Variants in SND1 observed in about 807,000 individuals in gnomAD.
SND1 encodes the protein staphylococcal nuclease and tudor domain containing 1.
A neutral mutation model predicts 121.7 loss-of-function variants in SND1; 38 were observed. The observed-to-expected ratio is 0.31, with a 90% CI of 0.24 to 0.41. The LOEUF (loss-of-function observed/expected upper bound fraction) is 0.41, where lower values mean the gene tolerates loss of function less well. SND1 is among the 10% of genes least tolerant of loss of function. SND1 has a pLI of 1.00. For synonymous variants in SND1, 401 were observed against 447.4 expected (o/e 0.90, Z 1.31); for missense variants, 868 against 1,184.6 (o/e 0.73, Z 3.92).
intron 10 of SND1, among the ~76,000 whole-genome samples, chr7:127,762,448 C>T (rs1317376493): frequency 6.6e-6 from 1 of 152,222 alleles, no homozygotes; most frequent in Admixed American, 6.5e-5. Flanking sequence ...CTGTCCTAAT[C>T]TCCCCTTATG....
chr7:128,076,796 T>C (rs771269471), intron 17 of SND1, among the ~76,000 whole-genome samples: 7 of 152,140 alleles, frequency 4.6e-5, no homozygotes, highest in Non-Finnish European at 1.0e-4. Context: ...GGGAGTGTGA[T>C]TGTGTGTGCA....
chr7:127,661,467 G>C (rs1451489379), intron 1 of SND1, among the ~76,000 whole-genome samples: 10 of 152,246 alleles, frequency 6.6e-5, no homozygotes, highest in Non-Finnish European at 4.4e-5. Flanking sequence ...ATCCTGAGGA[G>C]CTTCATCCCT....
At chr7:128,043,863 TACACACAC>T (rs10591985) in intron 16 of SND1, among the ~76,000 whole-genome samples, 28,578 of 149,590 alleles carry the variant, frequency 0.19, 3,388 homozygotes, top group African/African-American at 0.34. Flanking sequence ...TATACACATA[TACACACAC>T]ACACACACAC....
At chr7:127,877,105 G>A (rs1177472842) in intron 12 of SND1, among the ~76,000 whole-genome samples, 2 of 152,108 alleles carry the variant, frequency 1.3e-5, no homozygotes, top group African/African-American at 4.8e-5. Context: ...GCATAGTGGA[G>A]TCTAATACCA....
intron 16 of SND1, among the ~76,000 whole-genome samples, chr7:128,047,201 G>A (rs1003806464): frequency 6.6e-6 from 1 of 152,134 alleles, no homozygotes; most frequent in Non-Finnish European, 1.5e-5. Context: ...AGTCACATAC[G>A]AGAAAAAAGG....
At chr7:127,820,989 C>G (rs1798536826) in intron 11 of SND1, among the ~76,000 whole-genome samples, 1 of 152,140 alleles carries the variant, frequency 6.6e-6, no homozygotes. Context: ...TTCTCTGAGC[C>G]AGGTCTGCTT....
intron 10 of SND1, among the ~76,000 whole-genome samples, chr7:127,790,684 A>G (rs1400625069): frequency 2.0e-5 from 3 of 152,218 alleles, no homozygotes; most frequent in Non-Finnish European, 4.4e-5. Context: ...GTAGCTTGTA[A>G]TCACCTGTAG....
intron 1 of SND1, among the ~76,000 whole-genome samples, chr7:127,667,192 A>G (rs545684226): frequency 6.6e-6 from 1 of 152,328 alleles, no homozygotes; most frequent in Non-Finnish European, 1.5e-5. Flanking sequence ...TATATTAGAC[A>G]TTCTTTAGAG....
chr7:127,765,596 A>T (rs1797396777), intron 10 of SND1, among the ~76,000 whole-genome samples: 1 of 152,222 alleles, frequency 6.6e-6, no homozygotes, highest in East Asian at 1.9e-4. Context: ...ACCAAGCTTT[A>T]AATCCTTCAA....
intron 1 of SND1, among the ~76,000 whole-genome samples, chr7:127,677,633 A>C (rs1367729701): frequency 6.6e-6 from 1 of 152,160 alleles, no homozygotes; most frequent in Non-Finnish European, 1.5e-5. Flanking sequence ...CAACTACTCA[A>C]CTCTGCTGTT....
chr7:127,824,786 G>A (rs985413371), intron 11 of SND1, among the ~76,000 whole-genome samples: 2 of 151,596 alleles, frequency 1.3e-5, no homozygotes, highest in Non-Finnish European at 2.9e-5. Flanking sequence ...TTTTGCTGTT[G>A]TTTACCATCC....
intron 21 of SND1, among the ~76,000 whole-genome samples, chr7:128,088,364 G>A (rs1017738824): frequency 4.6e-5 from 7 of 151,474 alleles, no homozygotes; most frequent in Non-Finnish European, 8.8e-5. Context: ...AGGAGACTGC[G>A]GTGAGAGGAT....
At chr7:127,978,777 A>G (rs1378386005) in intron 15 of SND1, among the ~76,000 whole-genome samples, 1 of 152,130 alleles carries the variant, frequency 6.6e-6, no homozygotes, top group Non-Finnish European at 1.5e-5. Context: ...ACCCTGTACT[A>G]TCAGGTTCAA....
At position 128,081,413 on chromosome 7, in the gene SND1, G is replaced by T; in HGVS notation, c.2022G>T (p.Glu674Asp). 6.2e-7 allele frequency: 1 copy of T among 1,614,216 alleles called. No homozygotes were observed. The highest frequency in any genetic ancestry group is 8.5e-7 in the Non-Finnish European group (1 of 1,180,042). The change falls in exon 18 of 24, where the codon GAG (glutamate) becomes GAT (aspartate). Residue 674 changes from glutamate to aspartate, a missense_variant. Transcript: ENST00000354725. Reference sequence around the variant, plus strand: ...TGGAGGAGGTGATGCCAGTGCTGGAGGAGAAGGAGCGATCTGCTAGCTACA... The same window carrying T: ...TGGAGGAGGTGATGCCAGTGCTGGATGAGAAGGAGCGATCTGCTAGCTACA... ...QPVEEVMPVL[E>D]EKERSASYKP...
intron 16 of SND1, among the ~76,000 whole-genome samples, chr7:128,012,479 A>G (rs1803137795): frequency 6.6e-6 from 1 of 152,232 alleles, no homozygotes; most frequent in Non-Finnish European, 1.5e-5. Flanking sequence ...AAGAGTGCTC[A>G]GCAGTTTGCC....
intron 15 of SND1, among the ~76,000 whole-genome samples, chr7:127,952,703 T>C (rs1184076478): frequency 6.6e-6 from 1 of 152,246 alleles, no homozygotes; most frequent in African/African-American, 2.4e-5. Flanking sequence ...ATCTCTGAAG[T>C]TGCTTATCAA....
Position 128,030,399 on chromosome 7 carries a change from T to C in SND1, c.1779+39343T>C, listed in dbSNP as rs1792546759. The C allele has an allele frequency of 1.9e-6, 3 of 1,613,776 alleles. No individual in the cohort carries two copies. The highest frequency in any genetic ancestry group is 2.5e-6 in the Non-Finnish European group (3 of 1,179,988). On this transcript the variant is annotated intron_variant, in intron 16 of 23. Transcript: ENST00000354725. ...CATCTGGATGTTGTTCTCCATGAGG[T>C]TGAGGTACCGGGTGTTCGAGGGAAT...
intron 16 of SND1, among the ~76,000 whole-genome samples, chr7:128,038,188 G>T (rs1584755583): frequency 2.0e-5 from 3 of 152,306 alleles, no homozygotes; most frequent in Admixed American, 2.0e-4. Context: ...TCAGATTTTG[G>T]TTGGAGAAAA....
In SND1 at chr7:127,855,014, C is replaced by CT. The variant is rs747304631; in HGVS notation, c.1343+10604dup. ...GGGTGCTTCTTTTGAGTGCTGAGTG[C>CT]TTTTTTTTTTTTTTAAAGAATATAA... On this transcript the variant is annotated intron_variant, in intron 12 of 23. Transcript: ENST00000354725. Among the ~76,000 whole-genome samples the CT allele has an allele frequency of 8.0e-3, 1,087 of 136,224 alleles. 6 individuals are homozygous for CT. Among genetic ancestry groups the CT allele is most frequent in the Non-Finnish European group, 0.012 (777 of 62,862 alleles). The allele number at this position is 136,224 out of a possible 152,430, so 89.4% of individuals were successfully genotyped here.
Sources: allele counts gnomAD v4.1 joint callset (sites outside exome capture counted in the v4.1 genomes callset), GRCh38; gene constraint gnomAD v4.1.1; transcripts MANE v1.5; gene names NCBI Gene and HGNC (gene_info 2026-07-23, HGNC 2026-07-21).